The following DAB1 variants were observed in gnomAD, a reference collection of about 807,000 sequenced individuals.
DAB1 encodes the protein disabled homolog 1.
In DAB1, 15 loss-of-function variants were observed where a neutral mutation model predicts 64.6. That is an observed-to-expected ratio of 0.23 (90% confidence interval 0.16 to 0.36). The LOEUF (loss-of-function observed/expected upper bound fraction) is 0.36. Among genes scored for constraint, DAB1 ranks in the 10% least tolerant of loss-of-function variants. The pLI, the probability that DAB1 is intolerant of heterozygous loss-of-function variation, is 1.00. For synonymous variants in DAB1, 235 were observed against 251.9 expected (o/e 0.93, Z 0.64); for missense variants, 596 against 706.7 (o/e 0.84, Z 1.78).
intron 7 of DAB1, among the ~76,000 whole-genome samples, chr1:57,513,486 TG>T: frequency 6.6e-6 from 1 of 152,282 alleles, no homozygotes; most frequent in South Asian, 2.1e-4. Flanking sequence ...TCAATATGTT[TG>T]ATGGAGGAAA....
chr1:58,179,588 A>G (rs1345267340), intron 4 of DAB1, among the ~76,000 whole-genome samples: 1 of 151,962 alleles, frequency 6.6e-6, no homozygotes, highest in African/African-American at 2.4e-5. Flanking sequence ...GAATTTCTTC[A>G]TTTCATGTAA....
At chr1:58,505,795 A>G (rs1051976851) in intron 3 of DAB1, among the ~76,000 whole-genome samples, 3 of 152,218 alleles carry the variant, frequency 2.0e-5, no homozygotes, top group Non-Finnish European at 4.4e-5. Flanking sequence ...TCATCAAGTC[A>G]GTTAAAATTA....
chr1:57,791,335 TC>T (rs564801802), intron 6 of DAB1, among the ~76,000 whole-genome samples: 43 of 152,328 alleles, frequency 2.8e-4, no homozygotes, highest in Non-Finnish European at 5.1e-4. Context: ...ACACAGATCC[TC>T]CCTTTCCTTC....
At chr1:57,784,302 G>C (rs1270664858) in intron 6 of DAB1, among the ~76,000 whole-genome samples, 1 of 152,106 alleles carries the variant, frequency 6.6e-6, no homozygotes, top group Non-Finnish European at 1.5e-5. Context: ...TCTGAGGTGG[G>C]AGGATCACTT....
chr1:57,926,860 G>A (rs1644887140), intron 5 of DAB1, among the ~76,000 whole-genome samples: 4 of 152,086 alleles, frequency 2.6e-5, no homozygotes, highest in Non-Finnish European at 5.9e-5. Context: ...AAAGTTACAG[G>A]GATAAAGGCA....
intron 7 of DAB1, among the ~76,000 whole-genome samples, chr1:57,478,664 C>T (rs1643970990): frequency 7.1e-6 from 1 of 141,024 alleles, no homozygotes; most frequent in African/African-American, 2.7e-5. Context: ...ATGATCTCAG[C>T]TTTCTGCAAC....
chr1:57,011,057 T>C (rs144040023), intron 13 of DAB1, 88 bp downstream of exon 13: 5 of 1,531,344 alleles, frequency 3.3e-6, no homozygotes, highest in East Asian at 4.5e-5. Context: ...TTCTTTTCTA[T>C]GTAGGCTTCC....
At chr1:57,558,344 C>T (rs1645013947) in intron 7 of DAB1, among the ~76,000 whole-genome samples, 1 of 152,150 alleles carries the variant, frequency 6.6e-6, no homozygotes, top group Non-Finnish European at 1.5e-5. Flanking sequence ...TGTTGATTCT[C>T]CTCAGGAGCC....
At chr1:57,167,866 G>A (rs1212322462) in intron 2 of DAB1, among the ~76,000 whole-genome samples, 2 of 152,124 alleles carry the variant, frequency 1.3e-5, no homozygotes, top group Non-Finnish European at 2.9e-5. Flanking sequence ...GTAATTCTTA[G>A]CATTGTTAAA....
At chr1:57,870,611 T>C (rs1274171141) in intron 1 of DAB1, among the ~76,000 whole-genome samples, 1 of 152,064 alleles carries the variant, frequency 6.6e-6, no homozygotes, top group African/African-American at 2.4e-5. Context: ...ATTATGCATA[T>C]AAGAATGCAC....
intron 7 of DAB1, among the ~76,000 whole-genome samples, chr1:57,450,282 A>G (rs1284046565): frequency 1.3e-5 from 2 of 152,228 alleles, no homozygotes; most frequent in African/African-American, 4.8e-5. Flanking sequence ...AGAGGGGCAA[A>G]GAAGAGGGTA....
Position 57,984,184 on chromosome 1 carries a change from A to AAAAAAAAGAAAGAAAGAAAG in DAB1, n.388-100023_388-100022insCTTTCTTTCTTTCTTTTTTT, listed in dbSNP as rs1276859040. On this transcript the variant is annotated intron_variant and non_coding_transcript_variant, in intron 5 of 20. Coordinates refer to the DAB1 transcript ENST00000485760. ...TTCAGGGCCCAGGACTAGCTTAAAAAAAAGAAAGAAAGAAAGAAAGAAAGA... is the reference window on the plus strand; with the variant it reads ...TTCAGGGCCCAGGACTAGCTTAAAAAAAAAAAAGAAAGAAAGAAAGAAAGAAAGAAAGAAAGAAAGAAAGA... Among the ~76,000 whole-genome samples the AAAAAAAAGAAAGAAAGAAAG allele has an allele frequency of 1.6e-3, 83 of 50,712 alleles. 11 individuals carry two copies. The highest frequency in any genetic ancestry group is 0.011 in the Middle Eastern group (1 of 88). 33.3% of individuals were successfully genotyped at this position (50,712 alleles called of 152,430 possible). A position where few individuals can be genotyped will look rare whatever the true frequency, so the allele number is the denominator to read the frequency against.
chr1:57,431,635 C>T (rs1685520197), intron 7 of DAB1, among the ~76,000 whole-genome samples: 1 of 152,200 alleles, frequency 6.6e-6, no homozygotes, highest in South Asian at 2.1e-4. Flanking sequence ...TAGCGGACAG[C>T]AGCAACACTG....
At chr1:57,804,920 TTTG>T (rs1379161500) in intron 6 of DAB1, among the ~76,000 whole-genome samples, 16 of 152,360 alleles carry the variant, frequency 1.1e-4, no homozygotes, top group African/African-American at 2.2e-4. Flanking sequence ...ATTTGTATTT[TTTG>T]TTGTTGTTGT....
chr1:58,449,326 G>A (rs752909110), intron 3 of DAB1, among the ~76,000 whole-genome samples: 14 of 152,120 alleles, frequency 9.2e-5, no homozygotes, highest in African/African-American at 2.2e-4. Context: ...TTTTTCAGAC[G>A]CAGCTGCAAA....
At chr1:58,192,910 G>A (rs1387869997) in intron 4 of DAB1, among the ~76,000 whole-genome samples, 1 of 152,066 alleles carries the variant, frequency 6.6e-6, no homozygotes, top group Admixed American at 6.5e-5. Context: ...GTGGATGGAG[G>A]GTGGTAATGA....
At chr1:57,530,389 A>C (rs1425587218) in intron 7 of DAB1, among the ~76,000 whole-genome samples, 4 of 152,204 alleles carry the variant, frequency 2.6e-5, no homozygotes, top group Non-Finnish European at 5.9e-5. Context: ...TGTGTTGGGC[A>C]CATGAACCAA....
At chr1:57,388,919 C>G (rs1682111233) in intron 1 of DAB1, among the ~76,000 whole-genome samples, 1 of 152,262 alleles carries the variant, frequency 6.6e-6, no homozygotes. Flanking sequence ...TGCCCTAGCT[C>G]TGCATGGCCT....
downstream of DAB1, among the ~76,000 whole-genome samples, chr1:57,824,736 C>T (rs531685216): frequency 1.3e-5 from 2 of 152,314 alleles, no homozygotes; most frequent in South Asian, 4.1e-4. Context: ...TCATTGCCTG[C>T]AGCTAATATT....
Sources: gnomAD v4.1 joint callset for allele counts (sites outside exome capture counted in the v4.1 genomes callset) on GRCh38, gnomAD v4.1.1 for gene constraint, MANE v1.5 for transcripts, NCBI Gene and HGNC (gene_info 2026-07-23, HGNC 2026-07-21) for gene names.